GABRA5: variants seen among roughly 807,000 people sequenced by gnomAD.
GABRA5 encodes the protein gamma-aminobutyric acid receptor subunit alpha-5.
Under a neutral mutation model 47.3 loss-of-function variants are expected in GABRA5, and 18 were observed. That is an observed-to-expected ratio of 0.38 (90% confidence interval 0.26 to 0.56). The LOEUF is 0.56. Among genes scored for constraint, GABRA5 ranks in the 20% least tolerant of loss-of-function variants. The pLI, the probability that GABRA5 is intolerant of heterozygous loss-of-function variation, is 0.71. For missense variants in GABRA5, 365 were observed against 599.3 expected (o/e 0.61, Z 4.08); for synonymous variants, 237 against 229.3 (o/e 1.03, Z -0.30).
At chr15:26,924,404 G>A (rs887263901) in intron 7 of GABRA5, among the ~76,000 whole-genome samples, 7 of 152,216 alleles carry the variant, frequency 4.6e-5, no homozygotes, top group African/African-American at 1.7e-4. Flanking sequence ...GACACCATAT[G>A]CATGGCCTCA....
intron 7 of GABRA5, among the ~76,000 whole-genome samples, chr15:26,918,722 A>C (rs1893773598): frequency 6.6e-6 from 1 of 152,130 alleles, no homozygotes; most frequent in African/African-American, 2.4e-5. Context: ...CTCTTGTGAC[A>C]GTTTTTAACT....
chr15:26,879,522 G>T lies in GABRA5; in HGVS notation c.87-1324G>T, dbSNP rs1053803982. Reference sequence around the variant, plus strand: ...TACTAACAGGAGTGAATTTTAGCTTGTTAGAGCTTCAAGTATATGCATTTT... The same window carrying T: ...TACTAACAGGAGTGAATTTTAGCTTTTTAGAGCTTCAAGTATATGCATTTT... On this transcript the variant is annotated intron_variant, in intron 3 of 10. Transcript: ENST00000335625. Among the ~76,000 whole-genome samples the T allele has an allele frequency of 2.0e-5, 3 of 152,170 alleles. No homozygotes were observed. In the South Asian group the frequency reaches 6.2e-4, roughly 32 times the overall value.
At chr15:26,907,201 CTT>C (rs1170014652) in intron 6 of GABRA5, among the ~76,000 whole-genome samples, 1 of 152,164 alleles carries the variant, frequency 6.6e-6, no homozygotes, top group East Asian at 1.9e-4. Context: ...AAAGGAGACA[CTT>C]TGTTATCTCA....
chr15:26,929,490 G>T (rs1420909774), intron 7 of GABRA5, among the ~76,000 whole-genome samples: 2 of 152,224 alleles, frequency 1.3e-5, no homozygotes, highest in South Asian at 2.1e-4. Flanking sequence ...GCCAGGCAGG[G>T]ATTGGGCCGC....
chr15:26,936,111 G>C (rs544275802), intron 7 of GABRA5, among the ~76,000 whole-genome samples: 1 of 152,112 alleles, frequency 6.6e-6, no homozygotes, highest in Admixed American at 6.5e-5. Context: ...TCCCCTGCTC[G>C]CACTCATTCT....
chr15:26,874,642 C>G (rs1294336596), intron 3 of GABRA5, among the ~76,000 whole-genome samples: 1 of 152,130 alleles, frequency 6.6e-6, no homozygotes, highest in Admixed American at 6.5e-5. Flanking sequence ...AACTCCAACA[C>G]GGAATATAGA....
chr15:26,942,026 C>T (rs1350440275), intron 9 of GABRA5, among the ~76,000 whole-genome samples: 1 of 152,220 alleles, frequency 6.6e-6, no homozygotes, highest in Non-Finnish European at 1.5e-5. Context: ...CCCCATCGCC[C>T]ACACAGGTGC....
chr15:26,877,377 A>G (rs1892624972), intron 3 of GABRA5, among the ~76,000 whole-genome samples: 1 of 152,194 alleles, frequency 6.6e-6, no homozygotes, highest in Non-Finnish European at 1.5e-5. Context: ...ATTTAGAGGT[A>G]CTCATTTAAT....
chr15:26,898,130 G>A (rs1020891009), intron 6 of GABRA5, among the ~76,000 whole-genome samples: 2 of 152,140 alleles, frequency 1.3e-5, no homozygotes, highest in African/African-American at 4.8e-5. Context: ...AGAGATTTAG[G>A]GTTGGATCAC....
At chr15:26,928,529 G>T (rs781384869) in intron 7 of GABRA5, among the ~76,000 whole-genome samples, 49 of 152,234 alleles carry the variant, frequency 3.2e-4, no homozygotes, top group South Asian at 6.2e-4. Context: ...AAGAAGTGGG[G>T]CCCTTACGAG....
intron 6 of GABRA5, among the ~76,000 whole-genome samples, chr15:26,911,090 T>C (rs930895634): frequency 6.6e-6 from 1 of 152,136 alleles, no homozygotes; most frequent in Non-Finnish European, 1.5e-5. Flanking sequence ...ACAGTTCTTA[T>C]TGAGAGATTT....
At chr15:26,873,151 C>G (rs1053399256) in intron 3 of GABRA5, among the ~76,000 whole-genome samples, 3 of 151,964 alleles carry the variant, frequency 2.0e-5, no homozygotes, top group Non-Finnish European at 4.4e-5. Context: ...GACCAGTAAA[C>G]AAAAGTACAT....
At chr15:26,927,150 C>G (rs1893980107) in intron 7 of GABRA5, among the ~76,000 whole-genome samples, 1 of 151,780 alleles carries the variant, frequency 6.6e-6, no homozygotes, top group Non-Finnish European at 1.5e-5. Flanking sequence ...CTCACCCTGG[C>G]TGGAGTGAAA....
At chr15:26,876,990 G>A (rs909449750) in intron 3 of GABRA5, among the ~76,000 whole-genome samples, 1 of 152,180 alleles carries the variant, frequency 6.6e-6, no homozygotes, top group Non-Finnish European at 1.5e-5. Flanking sequence ...TACCTTGTGG[G>A]CAGCAGGATT....
intron 7 of GABRA5, among the ~76,000 whole-genome samples, chr15:26,930,890 CTTTTCT>C (rs1283432910): frequency 2.2e-5 from 3 of 134,938 alleles, no homozygotes; most frequent in Admixed American, 7.4e-5. Context: ...TTCTTTCTTT[CTTTTCT>C]TTTTTTTTTT....
chr15:26,948,637 T>G lies in GABRA5; in HGVS notation c.*404T>G, dbSNP rs904629520. The G allele has an allele frequency of 5.8e-6, 1 of 172,482 alleles. No homozygotes were observed. Among genetic ancestry groups the G allele is most frequent in the Non-Finnish European group, 1.3e-5 (1 of 79,538 alleles). The allele number at this position is 172,482 out of a possible 1,614,324, so 10.7% of individuals were successfully genotyped here. A position where few individuals can be genotyped will look rare whatever the true frequency, so the allele number is the denominator to read the frequency against. On this transcript the variant is annotated 3_prime_UTR_variant, in exon 11 of 11. Transcript: ENST00000335625. The stretch of plus-strand genomic sequence containing the variant: ...TAGGAAACTCTCCATGATTATTAGT[T>G]GACCAACTATATTGCGAGAAACAGA...
intron 10 of GABRA5, among the ~76,000 whole-genome samples, chr15:26,944,078 C>T (rs777963584): frequency 6.6e-6 from 1 of 152,344 alleles, no homozygotes; most frequent in Non-Finnish European, 1.5e-5. Flanking sequence ...AACAAACACA[C>T]AAATCTCTGT....
rs371995516 is a variant in GABRA5, at chr15:26,939,910, T to C, written c.725-15T>C. 6.2e-7 allele frequency: 1 copy of C among 1,613,552 alleles called. No individual in the cohort carries two copies. The highest frequency in any genetic ancestry group is 1.3e-5 in the African/African-American group (1 of 74,912). ...ACTCTAGGGGACTGATGTGCAGTCA[T>C]TTGCTTATTTGCAGGCGAATACACA... On this transcript the variant is annotated splice_polypyrimidine_tract_variant and intron_variant, in intron 8 of 10. Transcript: ENST00000335625.
At chr15:26,895,507 T>C (rs1893161638) in intron 6 of GABRA5, among the ~76,000 whole-genome samples, 1 of 151,998 alleles carries the variant, frequency 6.6e-6, no homozygotes, top group Non-Finnish European at 1.5e-5. Flanking sequence ...ACCTGTCTTC[T>C]AGTCTTGTTG....
Sources: allele counts gnomAD v4.1 joint callset (sites outside exome capture counted in the v4.1 genomes callset), GRCh38; gene constraint gnomAD v4.1.1; transcripts MANE v1.5; gene names NCBI Gene and HGNC (gene_info 2026-07-23, HGNC 2026-07-21).